RIPOR2: variants seen among roughly 807,000 people sequenced by gnomAD.
RIPOR2 encodes rho family-interacting cell polarization regulator 2.
In RIPOR2, 39 loss-of-function variants were observed where a neutral mutation model predicts 114.5. The ratio of observed to expected loss-of-function variants is 0.34; its 90% CI spans 0.26 to 0.44. RIPOR2 has a LOEUF of 0.44. Among genes scored for constraint, RIPOR2 ranks in the 20% least tolerant of loss-of-function variants. The probability of loss-of-function intolerance (pLI) is 1.00; values close to 1 mark genes in which losing one functional copy is unlikely to be tolerated. For synonymous variants in RIPOR2, 445 were observed against 484.4 expected (o/e 0.92, Z 1.07); for missense variants, 1,007 against 1,255.1 (o/e 0.80, Z 2.99).
chr6:24,910,921 C>T, intron 1 of RIPOR2: 1 of 985,440 alleles, frequency 1.0e-6, no homozygotes, highest in Non-Finnish European at 1.2e-6. Flanking sequence ...GCACCTCCGG[C>T]TTTGCAGACA....
chr6:25,006,066 A>T (rs773382623), intron 1 of RIPOR2, among the ~76,000 whole-genome samples: 2 of 152,232 alleles, frequency 1.3e-5, no homozygotes, highest in African/African-American at 2.4e-5. Flanking sequence ...AAATCATTAT[A>T]GGAAAATGAG....
At position 24,962,189 on chromosome 6, in the gene RIPOR2, T is replaced by C. The variant is rs143643931; in HGVS notation, c.76+79662A>G. 2.6e-4 allele frequency among the ~76,000 whole-genome samples: 40 copies of C among 152,304 alleles called. No individual in the cohort carries two copies. The East Asian group carries it at 6.0e-3, about 23-fold the overall frequency. ...TGATTGTATAGGGTACAGATGACCT[T>C]GACCACCAGATTAAGAAAAGTAAGA... On this transcript the variant is annotated intron_variant, in intron 1 of 13. Coordinates refer to the RIPOR2 transcript ENST00000510784.
intron 1 of RIPOR2, among the ~76,000 whole-genome samples, chr6:25,018,720 C>A (rs1776147550): frequency 6.6e-6 from 1 of 152,086 alleles, no homozygotes; most frequent in Non-Finnish European, 1.5e-5. Flanking sequence ...CTATTTTTGG[C>A]AAGATAATAG....
chr6:24,847,293 T>C (rs1762408370), intron 12 of RIPOR2, among the ~76,000 whole-genome samples: 1 of 152,298 alleles, frequency 6.6e-6, no homozygotes, highest in African/African-American at 2.4e-5. Context: ...TTTAAAATCT[T>C]GTTACCATGG....
At chr6:24,887,588 G>A (rs1441621656) in intron 1 of RIPOR2, among the ~76,000 whole-genome samples, 1 of 152,194 alleles carries the variant, frequency 6.6e-6, no homozygotes, top group South Asian at 2.1e-4. Flanking sequence ...GAAACACATA[G>A]AGATGAAGTA....
intron 1 of RIPOR2, among the ~76,000 whole-genome samples, chr6:25,027,482 C>T (rs1776687034): frequency 6.6e-6 from 1 of 152,224 alleles, no homozygotes; most frequent in South Asian, 2.1e-4. Flanking sequence ...GTTTCTTTCA[C>T]GCACGGCACA....
chr6:24,990,972 G>C (rs1333732142), intron 1 of RIPOR2, among the ~76,000 whole-genome samples: 1 of 152,194 alleles, frequency 6.6e-6, no homozygotes, highest in Non-Finnish European at 1.5e-5. Flanking sequence ...ACTTTAATTT[G>C]GCCAGCCATT....
At chr6:25,007,784 G>A (rs190946050) in intron 1 of RIPOR2, among the ~76,000 whole-genome samples, 15 of 151,436 alleles carry the variant, frequency 9.9e-5, no homozygotes, top group African/African-American at 2.9e-4. Context: ...TTTTCTCCCC[G>A]GCCCCAGAGC....
chr6:24,823,406 G>A (rs978670105), intron 19 of RIPOR2, among the ~76,000 whole-genome samples: 1 of 152,140 alleles, frequency 6.6e-6, no homozygotes, highest in East Asian at 1.9e-4. Flanking sequence ...TCATAGCATC[G>A]ACCTTGTTAG....
chr6:24,866,861 T>C (rs1764655686), intron 6 of RIPOR2, among the ~76,000 whole-genome samples: 1 of 152,204 alleles, frequency 6.6e-6, no homozygotes, highest in African/African-American at 2.4e-5. Context: ...ATGAACTTTG[T>C]TTCTTCAAAA....
chr6:25,002,740 C>T (rs955845466), intron 1 of RIPOR2, among the ~76,000 whole-genome samples: 26 of 152,278 alleles, frequency 1.7e-4, no homozygotes, highest in Admixed American at 1.0e-3. Context: ...CCACCTGGCA[C>T]GGTGTCAATC....
At chr6:24,872,032 A>G (rs1187635447) in intron 4 of RIPOR2, among the ~76,000 whole-genome samples, 2 of 152,224 alleles carry the variant, frequency 1.3e-5, no homozygotes, top group African/African-American at 4.8e-5. Context: ...CACATTTCCT[A>G]CAAAAGAAAA....
In RIPOR2 at chr6:24,839,164, C is replaced by T. The variant is rs1035988723; in HGVS notation, c.1966G>A (p.Asp656Asn). 1.9e-6 allele frequency: 3 copies of T among 1,551,568 alleles called. No homozygotes were observed. Among genetic ancestry groups the T allele is most frequent in the East Asian group, 4.9e-5 (2 of 40,920 alleles). Residue 656 changes from aspartate (D) to asparagine (N), a missense_variant, in exon 14 of 22, where the codon GAT becomes AAT. Physicochemically the swap from Asp to Asn is conservative, Grantham distance 23. Transcript: ENST00000643898. ...CCAACATTACAAACCTCATCACCATCCTCCTCCTCGTCAAAATCAGAGGTG... is the reference window on the plus strand; with the variant it reads ...CCAACATTACAAACCTCATCACCATTCTCCTCCTCGTCAAAATCAGAGGTG... ...LNTSDFDEEE[D>N]GDEVCNVGGG... is the part of the protein sequence containing the mutation.
intron 10 of RIPOR2, among the ~76,000 whole-genome samples, chr6:24,850,253 G>A (rs760311753): frequency 3.9e-4 from 59 of 150,570 alleles, no homozygotes; most frequent in Admixed American, 9.3e-4. Context: ...CACGGACCAC[G>A]TCTGGCTAAT....
At chr6:24,810,456 A>G (rs1026154191) in intron 20 of RIPOR2, among the ~76,000 whole-genome samples, 1 of 152,190 alleles carries the variant, frequency 6.6e-6, no homozygotes, top group Non-Finnish European at 1.5e-5. Context: ...AAAATAGAGG[A>G]GGAGGTAAAG....
chr6:24,830,456 T>C, intron 17 of RIPOR2, 53 bp downstream of exon 17: 1 of 928,660 alleles, frequency 1.1e-6, no homozygotes, highest in Non-Finnish European at 1.6e-6. Context: ...CCCACCCCAA[T>C]GCCCACTCTC....
At position 24,964,871 on chromosome 6, in the gene RIPOR2, C is replaced by T. The variant is rs538748044; in HGVS notation, c.76+76980G>A. Among the ~76,000 whole-genome samples, 23 of 152,276 alleles carry T rather than the reference C, an allele frequency of 1.5e-4. 1 individual carries two copies. The South Asian group carries it at 4.8e-3, about 32-fold the overall frequency. ...GATATTTCATCTTGGTCTTAATTTG[C>T]ATTTTCCTAATAACTAGTGATATTG... On this transcript the variant is annotated intron_variant, in intron 1 of 13. Coordinates refer to the RIPOR2 transcript ENST00000510784.
At chr6:24,979,456 G>T (rs1774207359) in intron 1 of RIPOR2, among the ~76,000 whole-genome samples, 1 of 152,032 alleles carries the variant, frequency 6.6e-6, no homozygotes, top group African/African-American at 2.4e-5. Context: ...GACACAAAAA[G>T]CTCCCCATTT....
At chr6:24,878,108 A>T (rs976012036) in intron 1 of RIPOR2, among the ~76,000 whole-genome samples, 2 of 152,226 alleles carry the variant, frequency 1.3e-5, no homozygotes, top group African/African-American at 4.8e-5. Flanking sequence ...CCAGAAAGTT[A>T]AACTTTAAAA....
Sources: gnomAD v4.1 joint callset for allele counts (sites outside exome capture counted in the v4.1 genomes callset) on GRCh38, gnomAD v4.1.1 for gene constraint, MANE v1.5 for transcripts, NCBI Gene and HGNC (gene_info 2026-07-23, HGNC 2026-07-21) for gene names.